The following GRID2 variants were observed in gnomAD, a reference collection of about 807,000 sequenced individuals.
The protein encoded by GRID2 is glutamate ionotropic receptor delta type subunit 2.
In GRID2, 33 loss-of-function variants were observed where a neutral mutation model predicts 114.8. That is an observed-to-expected ratio of 0.29 (90% confidence interval 0.22 to 0.38). The LOEUF (loss-of-function observed/expected upper bound fraction) is 0.38, where lower values mean the gene tolerates loss of function less well. Ranked by LOEUF, GRID2 falls within the 10% of genes least tolerant of loss-of-function variation. The probability of loss-of-function intolerance (pLI) is 1.00; values close to 1 mark genes in which losing one functional copy is unlikely to be tolerated. For missense variants in GRID2, 1,184 were observed against 1,257.7 expected, an observed-to-expected ratio of 0.94 and a Z score of 0.89; for synonymous variants, 505 against 449.9, an observed-to-expected ratio of 1.12 and a Z score of -1.55.
intron 9 of GRID2, among the ~76,000 whole-genome samples, chr4:93,419,935 A>C (rs1768097547): frequency 6.6e-6 from 1 of 152,130 alleles, no homozygotes; most frequent in South Asian, 2.1e-4. Context: ...TTTTTGCCAC[A>C]TCTATCATTT....
chr4:93,690,855 TATATA>T (rs1422153784), intron 14 of GRID2, among the ~76,000 whole-genome samples: 1 of 149,662 alleles, frequency 6.7e-6, no homozygotes, highest in Non-Finnish European at 1.5e-5. Flanking sequence ...TGTTGTTTTA[TATATA>T]ATATGTTATA....
chr4:92,924,196 C>T (rs922717660), intron 2 of GRID2, among the ~76,000 whole-genome samples: 4 of 152,050 alleles, frequency 2.6e-5, no homozygotes, highest in Non-Finnish European at 4.4e-5. Context: ...GGGAATTGAA[C>T]AATGACAACA....
intron 2 of GRID2, among the ~76,000 whole-genome samples, chr4:92,810,703 A>T (rs1241747176): frequency 6.6e-6 from 1 of 152,120 alleles, no homozygotes; most frequent in African/African-American, 2.4e-5. Flanking sequence ...AGCTTATATA[A>T]CTACTTTTGT....
At chr4:92,563,560 C>A (rs1901141) in intron 1 of GRID2, among the ~76,000 whole-genome samples, 2 of 152,040 alleles carry the variant, frequency 1.3e-5, no homozygotes, top group Non-Finnish European at 2.9e-5. Context: ...CTCCTGAATA[C>A]AATTCTTCCA....
In GRID2 at chr4:92,670,610, T is replaced by C. The variant is rs567442823; in HGVS notation, c.244+80324T>C. Among the ~76,000 whole-genome samples, 15 of 152,216 alleles carry C rather than the reference T, an allele frequency of 9.9e-5. No individual in the cohort carries two copies. The South Asian group carries it at 3.1e-3, about 32-fold the overall frequency. ...ATTTCAATTAACCTCAGCTATTTTATTATTGCTAACAATAAATGTAAAATT... is the reference window on the plus strand; with the variant it reads ...ATTTCAATTAACCTCAGCTATTTTACTATTGCTAACAATAAATGTAAAATT... On this transcript the variant is annotated intron_variant, in intron 2 of 15. Transcript: ENST00000282020.
chr4:93,276,561 G>C (rs1244781114), intron 8 of GRID2, among the ~76,000 whole-genome samples: 1 of 151,984 alleles, frequency 6.6e-6, no homozygotes, highest in Non-Finnish European at 1.5e-5. Flanking sequence ...TCCAATACAT[G>C]AGCATGTCTT....
rs150655071 is a variant in GRID2 at position 92,567,528 on chromosome 4, A to G, written c.89-22603A>G. Among the ~76,000 whole-genome samples, 153 of 152,138 alleles carry G rather than the reference A, an allele frequency of 1.0e-3. 1 individual carries two copies. The highest frequency in any genetic ancestry group is 3.5e-3 in the African/African-American group (145 of 41,548). On this transcript the variant is annotated intron_variant, in intron 1 of 15. Coordinates refer to ENST00000282020, the MANE Select transcript of GRID2 (RefSeq NM_001510.4). Reference sequence around the variant, plus strand: ...GGGAATTTGTTAAATATTTGCGCTAATAAATCTAATTGCATTTAGAGAAAT... The same window carrying G: ...GGGAATTTGTTAAATATTTGCGCTAGTAAATCTAATTGCATTTAGAGAAAT...
intron 1 of GRID2, among the ~76,000 whole-genome samples, chr4:92,349,104 T>G (rs1727931790): frequency 6.6e-6 from 1 of 152,014 alleles, no homozygotes; most frequent in African/African-American, 2.4e-5. Flanking sequence ...AGATTCTTGA[T>G]AAAGAAATGT....
chr4:93,786,019 A>G (rs924907068), intron 1 of GRID2, among the ~76,000 whole-genome samples: 6 of 152,250 alleles, frequency 3.9e-5, no homozygotes, highest in Non-Finnish European at 8.8e-5. Context: ...TCAAAGGACA[A>G]AAGAGTGTGT....
At chr4:93,675,187 C>G (rs1448657728) in intron 14 of GRID2, among the ~76,000 whole-genome samples, 1 of 152,048 alleles carries the variant, frequency 6.6e-6, no homozygotes, top group Non-Finnish European at 1.5e-5. Flanking sequence ...GCATTTCTCC[C>G]TTACATCTCA....
chr4:93,262,696 G>GT (rs1358521697), intron 8 of GRID2, among the ~76,000 whole-genome samples: 2 of 151,508 alleles, frequency 1.3e-5, no homozygotes, highest in Non-Finnish European at 3.0e-5. Context: ...TTTTACATAC[G>GT]TTTTATAACT....
chr4:92,850,961 G>A (rs1417662542), intron 2 of GRID2, among the ~76,000 whole-genome samples: 1 of 151,918 alleles, frequency 6.6e-6, no homozygotes, highest in Non-Finnish European at 1.5e-5. Context: ...CATTGCCACA[G>A]GTGTGTGCAT....
rs888898548 is a variant in GRID2 at position 92,964,011 on chromosome 4, G to T, written c.245-120984G>T. 2.0e-5 allele frequency among the ~76,000 whole-genome samples: 3 copies of T among 151,962 alleles called. No individual in the cohort carries two copies. In the South Asian group the frequency reaches 6.2e-4, roughly 31 times the overall value. ...ATTTCAAAGTAATATTGTTTTCTGA[G>T]CACCAGTTCGCAGCAGTGGCCTTAA... is the stretch of plus-strand genomic sequence containing the variant. On this transcript the variant is annotated intron_variant, in intron 2 of 15. Transcript: ENST00000282020.
chr4:92,760,093 A>T (rs1018801360), intron 2 of GRID2, among the ~76,000 whole-genome samples: 2 of 151,602 alleles, frequency 1.3e-5, no homozygotes, highest in African/African-American at 4.8e-5. Context: ...CACAAAAATT[A>T]GCCAGGTGTG....
intron 14 of GRID2, among the ~76,000 whole-genome samples, chr4:93,637,139 A>G (rs1331440839): frequency 6.6e-6 from 1 of 152,190 alleles, no homozygotes; most frequent in Admixed American, 6.6e-5. Flanking sequence ...TGTAGCACAA[A>G]GATGAATAGA....
At chr4:93,531,404 T>C (rs759178999) in intron 13 of GRID2, among the ~76,000 whole-genome samples, 2 of 152,158 alleles carry the variant, frequency 1.3e-5, no homozygotes, top group African/African-American at 2.4e-5. Context: ...TCTTAAAATA[T>C]TGCATAGAGT....
intron 8 of GRID2, among the ~76,000 whole-genome samples, chr4:93,281,147 G>A (rs148226613): frequency 3.4e-4 from 52 of 152,000 alleles, no homozygotes; most frequent in African/African-American, 1.3e-3. Flanking sequence ...GGGGCATGGG[G>A]GCACGAGGGG....
intron 2 of GRID2, among the ~76,000 whole-genome samples, chr4:92,792,456 A>AACAC (rs35204445): frequency 0.015 from 2,023 of 136,144 alleles, 26 homozygotes; most frequent in South Asian, 0.036. Flanking sequence ...CAGGCAAGAG[A>AACAC]ACACACACAC....
intron 14 of GRID2, among the ~76,000 whole-genome samples, chr4:93,668,157 A>G (rs1560881601): frequency 6.6e-6 from 1 of 151,968 alleles, no homozygotes; most frequent in Non-Finnish European, 1.5e-5. Context: ...TAATTTTTAT[A>G]ATTTTTTATA....
Sources: gnomAD v4.1 joint callset for allele counts (sites outside exome capture counted in the v4.1 genomes callset) on GRCh38, gnomAD v4.1.1 for gene constraint, MANE v1.5 for transcripts, NCBI Gene and HGNC (gene_info 2026-07-23, HGNC 2026-07-21) for gene names.